SELP: variants seen among roughly 807,000 people sequenced by gnomAD.
SELP encodes selectin P, also known as P-selectin.
In SELP, 92 loss-of-function variants were observed where a neutral mutation model predicts 104.1. That is an observed-to-expected ratio of 0.88 (90% CI 0.75 to 1.05). The LOEUF is 1.05. SELP is among the 50% of genes least tolerant of loss of function. The pLI is 0.00. For missense variants in SELP, 1,022 were observed against 1,017.3 expected (o/e 1.00, Z -0.06); for synonymous variants, 397 against 364.5 (o/e 1.09, Z -1.01).
intron 8 of SELP, among the ~76,000 whole-genome samples, chr1:169,607,769 A>T (rs1292855657): frequency 6.6e-6 from 1 of 152,206 alleles, no homozygotes; most frequent in Non-Finnish European, 1.5e-5. Flanking sequence ...GACTGAGATC[A>T]TAGAAAGTGC....
chr1:169,615,779 C>A (rs536065587), intron 3 of SELP, among the ~76,000 whole-genome samples: 99 of 152,184 alleles, frequency 6.5e-4, no homozygotes, highest in Admixed American at 1.2e-3. Context: ...TTTGCCTCAG[C>A]TAGGAGGCTT....
intron 1 of SELP, among the ~76,000 whole-genome samples, chr1:169,620,012 C>G (rs906755867): frequency 5.3e-5 from 8 of 151,738 alleles, no homozygotes; most frequent in African/African-American, 1.2e-4. Flanking sequence ...ACCAGCCTGG[C>G]CAACATAGTG....
At position 169,611,641 on chromosome 1, in the gene SELP, C is replaced by T; in HGVS notation, c.998G>A (p.Gly333Glu). 1 of 1,614,068 alleles carries T rather than the reference C, an allele frequency of 6.2e-7. No homozygotes were observed. Among genetic ancestry groups the T allele is most frequent in the Non-Finnish European group, 8.5e-7 (1 of 1,179,986 alleles). ...QCQHLEAPSE[G>E]TMDCVHPLTA... is the part of the protein sequence containing the mutation. Reference sequence around the variant, plus strand: ...GAGCGGATGAACACAGTCCATGGTTCCTTCACTGGGGGCTTCCAGGTGCTG... The same window carrying T: ...GAGCGGATGAACACAGTCCATGGTTTCTTCACTGGGGGCTTCCAGGTGCTG... The change falls in exon 7 of 17, where the codon GGA becomes GAA. Residue 333 changes from glycine to glutamate, a missense_variant. Transcript: ENST00000263686.
chr1:169,601,995 T>C (rs1166162291), intron 10 of SELP, among the ~76,000 whole-genome samples: 3 of 152,154 alleles, frequency 2.0e-5, no homozygotes, highest in Non-Finnish European at 4.4e-5. Context: ...ATTAATTCAG[T>C]GCACTTCTAT....
At position 169,592,346 on chromosome 1, in the gene SELP, G is replaced by A. The variant is rs146786802; in HGVS notation, c.2408-890C>T. 2.1e-4 allele frequency among the ~76,000 whole-genome samples: 32 copies of A among 152,300 alleles called. No individual in the cohort carries two copies. In the East Asian group the frequency reaches 5.6e-3, roughly 27 times the overall value. On this transcript the variant is annotated intron_variant, in intron 14 of 16. Coordinates refer to ENST00000263686, the MANE Select transcript of SELP (RefSeq NM_003005.4). ...GAGAAAGAATAAGAGTAAGGAACAC[G>A]TGGTTTTGCCTCTGAGCAGTTAAGA...
At position 169,606,952 on chromosome 1, in the gene SELP, G is replaced by A; in HGVS notation, c.1516C>T (p.Gln506Ter). The A allele has an allele frequency of 1.2e-6, 2 of 1,612,290 alleles. No individual in the cohort carries two copies. Among genetic ancestry groups the A allele is most frequent in the Non-Finnish European group, 1.7e-6 (2 of 1,179,164 alleles). The change falls in exon 9 of 17, where the codon CAA becomes TAA. Residue 506 changes from glutamine to a stop codon, truncating the protein, a stop_gained. Transcript: ENST00000263686. LOFTEE classifies it high-confidence loss of function. ...GTTAGAAAGAATACACTCTTACCTTGGCATTCTGGAGGAACAGAATTCCAG... is the reference window on the plus strand; with the variant it reads ...GTTAGAAAGAATACACTCTTACCTTAGCATTCTGGAGGAACAGAATTCCAG... ...GNWNSVPPEC[Q>*]AIPCTPLLSP... is the part of the protein sequence containing the mutation.
At chr1:169,618,029 C>T (rs946093245) in intron 2 of SELP, among the ~76,000 whole-genome samples, 20 of 152,174 alleles carry the variant, frequency 1.3e-4, no homozygotes, top group Admixed American at 1.3e-4. Context: ...CCTCCAGGCT[C>T]CCACAGCACC....
chr1:169,612,519 A>G (rs1371237332), intron 5 of SELP, 117 bp from the exon 6 acceptor site: 1 of 887,580 alleles, frequency 1.1e-6, no homozygotes, highest in East Asian at 2.5e-5. Context: ...AGGTTGATGC[A>G]CTAGAATGGT....
Position 169,612,419 on chromosome 1 carries a change from A to G in SELP, c.776-17T>C. On this transcript the variant is annotated splice_polypyrimidine_tract_variant and intron_variant, in intron 5 of 16. Transcript: ENST00000263686. The stretch of plus-strand genomic sequence containing the variant: ...ACTGGGCAGCTAAAACCAACCACAG[A>G]ATAATAGTGTGAGTCCTTGGACAAA... 6.2e-7 allele frequency: 1 copy of G among 1,612,480 alleles called. No individual in the cohort carries two copies. Among genetic ancestry groups the G allele is most frequent in the South Asian group, 1.1e-5 (1 of 91,022 alleles).
chr1:169,610,948 A>C (rs1662498710), intron 7 of SELP, among the ~76,000 whole-genome samples: 1 of 152,184 alleles, frequency 6.6e-6, no homozygotes, highest in African/African-American at 2.4e-5. Context: ...CTTGTCATCC[A>C]GGTCTGGGAA....
chr1:169,598,214 A>G (rs2298904), intron 10 of SELP, among the ~76,000 whole-genome samples: 30 of 152,296 alleles, frequency 2.0e-4, no homozygotes, highest in East Asian at 5.8e-4. Flanking sequence ...TCTCCCCATT[A>G]ATTCTCTAAT....
At chr1:169,600,951 A>T (rs1661879788) in intron 10 of SELP, among the ~76,000 whole-genome samples, 1 of 152,172 alleles carries the variant, frequency 6.6e-6, no homozygotes. Context: ...GGGCCTGCAA[A>T]GTGGGAGGCA....
At chr1:169,625,990 G>C (rs926533224) in intron 1 of SELP, among the ~76,000 whole-genome samples, 1 of 152,178 alleles carries the variant, frequency 6.6e-6, no homozygotes. Context: ...TCACTATGTT[G>C]GTCAGGAACG....
In SELP at chr1:169,611,701, A is replaced by G. The variant is rs1662545590; in HGVS notation, c.962-24T>C. The G allele has an allele frequency of 1.9e-6, 3 of 1,604,528 alleles. No homozygotes were observed. In the South Asian group the frequency reaches 3.3e-5, roughly 18 times the overall value. On this transcript the variant is annotated intron_variant, in intron 6 of 16. Coordinates refer to ENST00000263686, the MANE Select transcript of SELP (RefSeq NM_003005.4). ...AGCTGGAGAGAATAACCAAGGATAA[A>G]GAGAAAGATACTGAGAAAGGAGAAA...
At chr1:169,617,872 T>C (rs1253526383) in intron 2 of SELP, among the ~76,000 whole-genome samples, 1 of 152,234 alleles carries the variant, frequency 6.6e-6, no homozygotes, top group Non-Finnish European at 1.5e-5. Context: ...TTGCCCACTG[T>C]ATGTACTTTC....
chr1:169,600,441 C>G (rs1661845068), intron 10 of SELP, among the ~76,000 whole-genome samples: 1 of 152,122 alleles, frequency 6.6e-6, no homozygotes, highest in South Asian at 2.1e-4. Flanking sequence ...TCTGGGGATT[C>G]TGGTATCTGC....
At chr1:169,603,840 C>T (rs1167203162) in intron 9 of SELP, among the ~76,000 whole-genome samples, 1 of 152,176 alleles carries the variant, frequency 6.6e-6, no homozygotes, top group African/African-American at 2.4e-5. Context: ...TTTCTTAATC[C>T]AGTCCATCAT....
At chr1:169,609,412 C>T (rs1662375542) in intron 8 of SELP, 92 bp downstream of exon 8, 1 of 1,269,456 alleles carries the variant, frequency 7.9e-7, no homozygotes, top group Admixed American at 2.3e-5. Flanking sequence ...CAGTGAATAT[C>T]TGATAAAGAA....
At chr1:169,603,320 TG>T in intron 9 of SELP, 109 bp from the exon 10 acceptor site, 1 of 649,188 alleles carries the variant, frequency 1.5e-6, no homozygotes, top group Non-Finnish European at 2.5e-6. Flanking sequence ...TGTGTGTGTG[TG>T]TGTGTGTGTG....
Sources: gnomAD v4.1 joint callset for allele counts (sites outside exome capture counted in the v4.1 genomes callset) on GRCh38, gnomAD v4.1.1 for gene constraint, MANE v1.5 for transcripts, NCBI Gene and HGNC (gene_info 2026-07-23, HGNC 2026-07-21) for gene names.